Variants in DPP10 observed in about 807,000 individuals in gnomAD.
The protein encoded by DPP10 is inactive dipeptidyl peptidase 10.
In DPP10, 33 loss-of-function variants were observed where a neutral mutation model predicts 120.9. That is an observed-to-expected ratio of 0.27 (90% CI 0.21 to 0.37). The LOEUF is 0.37. DPP10 is among the 10% of genes least tolerant of loss of function. DPP10 has a pLI of 1.00. For synonymous variants in DPP10, 337 were observed against 326.1 expected (o/e 1.03, Z -0.36); for missense variants, 816 against 942.8 (o/e 0.87, Z 1.76).
chr2:115,161,816 C>T, intron 1 of DPP10: 1 of 814,704 alleles, frequency 1.2e-6, no homozygotes, highest in Non-Finnish European at 1.7e-6. Flanking sequence ...CTTCCCCTCC[C>T]CGCCCCTCCG....
At chr2:114,448,432 A>G (rs1374779164) in intron 1 of DPP10, among the ~76,000 whole-genome samples, 1 of 152,212 alleles carries the variant, frequency 6.6e-6, no homozygotes, top group Non-Finnish European at 1.5e-5. Flanking sequence ...AAAAGACATT[A>G]TGGGTCTACA....
In DPP10 at chr2:115,843,914, A is replaced by C. The variant is rs1166668101; in HGVS notation, c.*1569A>C. On this transcript the variant is annotated 3_prime_UTR_variant, in exon 26 of 26. Coordinates refer to ENST00000410059, the MANE Select transcript of DPP10 (RefSeq NM_020868.6). ...TTATGGCATCAGGAGGAAACTTTAA[A>C]ATATCAAGGAATCACTCAGTCACCC... The C allele has an allele frequency of 6.6e-6, 1 of 152,560 alleles. No individual in the cohort carries two copies. Among genetic ancestry groups the C allele is most frequent in the Non-Finnish European group, 1.5e-5 (1 of 68,012 alleles). 9.5% of individuals were successfully genotyped at this position (152,560 alleles called of 1,614,324 possible).
intron 1 of DPP10, among the ~76,000 whole-genome samples, chr2:115,187,506 C>T (rs970167205): frequency 3.3e-5 from 5 of 152,060 alleles, no homozygotes; most frequent in Admixed American, 1.3e-4. Flanking sequence ...TATACATGGT[C>T]GTGAAAATTG....
chr2:115,011,954 G>A (rs1702295718), intron 1 of DPP10, among the ~76,000 whole-genome samples: 1 of 151,958 alleles, frequency 6.6e-6, no homozygotes, highest in Non-Finnish European at 1.5e-5. Context: ...CGGTGGGAGT[G>A]AGACCAGCCT....
chr2:115,534,538 CTT>C, intron 5 of DPP10, among the ~76,000 whole-genome samples: 2 of 152,096 alleles, frequency 1.3e-5, no homozygotes, highest in Middle Eastern at 6.8e-3. Flanking sequence ...GGTTCCAAGT[CTT>C]TGCTATTTTG....
At position 114,539,607 on chromosome 2, in the gene DPP10, T is replaced by G. The variant is rs369386450; in HGVS notation, c.60+96769T>G. On this transcript the variant is annotated intron_variant, in intron 1 of 25. Transcript: ENST00000410059. ...GCTAATTCTTATGCAGCTTTCACGT[T>G]TCAGCTTCAGTGTCATCTCTGACCT... is the stretch of plus-strand genomic sequence containing the variant. 1.2e-4 allele frequency among the ~76,000 whole-genome samples: 19 copies of G among 152,338 alleles called. No individual in the cohort carries two copies. The East Asian group carries it at 3.5e-3, about 28-fold the overall frequency.
intron 3 of DPP10, among the ~76,000 whole-genome samples, chr2:115,432,933 G>T (rs928045307): frequency 6.6e-6 from 1 of 151,964 alleles, no homozygotes; most frequent in Non-Finnish European, 1.5e-5. Context: ...TTATGGTCCA[G>T]ATTGATGGCA....
chr2:115,442,067 C>T (rs1396714441), intron 3 of DPP10, among the ~76,000 whole-genome samples: 1 of 152,106 alleles, frequency 6.6e-6, no homozygotes, highest in Non-Finnish European at 1.5e-5. Flanking sequence ...CCGCCTCGGC[C>T]TCCCAAAGTT....
intron 1 of DPP10, among the ~76,000 whole-genome samples, chr2:114,808,546 T>G (rs540548112): frequency 6.6e-6 from 1 of 150,396 alleles, no homozygotes; most frequent in South Asian, 2.1e-4. Flanking sequence ...AATCTAACTT[T>G]TTTTTTTTTT....
At chr2:114,658,178 G>A (rs912621242) in intron 1 of DPP10, among the ~76,000 whole-genome samples, 7 of 152,128 alleles carry the variant, frequency 4.6e-5, no homozygotes, top group African/African-American at 1.2e-4. Flanking sequence ...GTAACAAGGC[G>A]TTCACAAATT....
chr2:115,457,879 T>A (rs1053349833), intron 3 of DPP10, among the ~76,000 whole-genome samples: 10 of 152,140 alleles, frequency 6.6e-5, no homozygotes, highest in African/African-American at 2.4e-4. Flanking sequence ...GACAACATTC[T>A]TTATATACTT....
chr2:115,259,128 A>G (rs1574198714), intron 1 of DPP10, among the ~76,000 whole-genome samples: 1 of 152,178 alleles, frequency 6.6e-6, no homozygotes, highest in East Asian at 1.9e-4. Context: ...GTGATCTACA[A>G]TTACTGCTGG....
chr2:115,053,156 T>G (rs547508878), intron 1 of DPP10, among the ~76,000 whole-genome samples: 1 of 152,158 alleles, frequency 6.6e-6, no homozygotes, highest in South Asian at 2.1e-4. Flanking sequence ...TAGTTGTTCA[T>G]AAGAAAACTC....
intron 3 of DPP10, among the ~76,000 whole-genome samples, chr2:115,431,494 G>T (rs1384024097): frequency 1.3e-5 from 2 of 152,192 alleles, no homozygotes; most frequent in South Asian, 2.1e-4. Flanking sequence ...ATACTGCAGT[G>T]GTGTAGAGAT....
intron 17 of DPP10, 54 bp downstream of exon 17, chr2:115,782,453 C>T (rs1011820200): frequency 2.0e-6 from 3 of 1,494,122 alleles, no homozygotes; most frequent in African/African-American, 1.4e-5. Flanking sequence ...TAGTCTTAGA[C>T]ATCGTGTTAT....
At chr2:115,408,372 G>C (rs749797351) in intron 3 of DPP10, among the ~76,000 whole-genome samples, 18 of 152,116 alleles carry the variant, frequency 1.2e-4, no homozygotes, top group Non-Finnish European at 1.9e-4. Context: ...ATCTGGGATG[G>C]GCAGCCCAGT....
intron 1 of DPP10, among the ~76,000 whole-genome samples, chr2:114,631,551 A>G (rs1205141709): frequency 1.3e-5 from 2 of 152,170 alleles, no homozygotes; most frequent in South Asian, 4.1e-4. Flanking sequence ...GGGACTGGAG[A>G]AATCTTTATG....
chr2:115,229,774 G>A lies in DPP10; in HGVS notation c.61-79465G>A, dbSNP rs147507176. ...TCTATTGGTCTATGTTTCTTTTTAT[G>A]CCAGTAGCATGTTGTTTGTTCACTA... On this transcript the variant is annotated intron_variant, in intron 1 of 25. Transcript: ENST00000410059. 7.4e-3 allele frequency among the ~76,000 whole-genome samples: 1,099 copies of A among 147,660 alleles called. 4 individuals are homozygous for A. Among genetic ancestry groups the A allele is most frequent in the Non-Finnish European group, 0.011 (729 of 66,644 alleles).
chr2:115,309,429 G>A, intron 2 of DPP10, 76 bp downstream of exon 2: 1 of 1,395,946 alleles, frequency 7.2e-7, no homozygotes, highest in Non-Finnish European at 1.0e-6. Context: ...CCTTAAGAGG[G>A]TAGCAATATG....
Sources: gnomAD v4.1 joint callset for allele counts (sites outside exome capture counted in the v4.1 genomes callset) on GRCh38, gnomAD v4.1.1 for gene constraint, MANE v1.5 for transcripts, NCBI Gene and HGNC (gene_info 2026-07-23, HGNC 2026-07-21) for gene names.